IQGAP2: variants seen among roughly 807,000 people sequenced by gnomAD.
IQGAP2 encodes the protein ras GTPase-activating-like protein IQGAP2.
Under a neutral mutation model 201.3 loss-of-function variants are expected in IQGAP2, and 173 were observed. The ratio of observed to expected loss-of-function variants is 0.86; its 90% CI spans 0.76 to 0.98. The LOEUF is 0.98. IQGAP2 is among the 50% of genes least tolerant of loss of function. The probability of loss-of-function intolerance (pLI) is 0.00; values close to 1 mark genes in which losing one functional copy is unlikely to be tolerated. For missense variants in IQGAP2, 1,687 were observed against 1,864.8 expected, an observed-to-expected ratio of 0.90 and a Z score of 1.76; for synonymous variants, 675 against 673.9, an observed-to-expected ratio of 1.00 and a Z score of -0.03.
intron 1 of IQGAP2, among the ~76,000 whole-genome samples, chr5:76,430,588 T>G (rs1220398112): frequency 6.6e-6 from 1 of 152,198 alleles, no homozygotes; most frequent in African/African-American, 2.4e-5. Flanking sequence ...ACAGCATTTC[T>G]GCCACTCTTT....
intron 2 of IQGAP2, among the ~76,000 whole-genome samples, chr5:76,471,364 C>CAAAAAAAAAAAAAA (rs59781605): frequency 1.4e-5 from 1 of 72,534 alleles, no homozygotes; most frequent in African/African-American, 5.2e-5. Context: ...ATAAACTAAG[C>CAAAAAAAAAAAAAA]AAAAAAAAAA....
Position 76,631,913 on chromosome 5 carries a change from A to G in IQGAP2, c.1667A>G (p.Asp556Gly), listed in dbSNP as rs1349127834. ...NQCLEGKKSS[D>G]ILSVLKSSTS... ...TGTTTGGAAGGAAAAAAATCAAGTG[A>G]TATTTTGTCTGTATTGAAGTCTTCC... Residue 556 changes from aspartate (D) to glycine (G), a missense_variant, in exon 15 of 36, where the codon GAT becomes GGT. Physicochemically the swap from Asp to Gly is moderately conservative, Grantham distance 94. Coordinates refer to ENST00000274364, the MANE Select transcript of IQGAP2 (RefSeq NM_006633.5). 1.1e-5 allele frequency: 17 copies of G among 1,611,414 alleles called. No individual in the cohort carries two copies. The highest frequency in any genetic ancestry group is 1.4e-5 in the Non-Finnish European group (17 of 1,178,534).
At chr5:76,677,099 C>T in intron 27 of IQGAP2, 119 bp from the exon 28 acceptor site, 2 of 980,100 alleles carry the variant, frequency 2.0e-6, no homozygotes, top group Non-Finnish European at 3.0e-6. Flanking sequence ...AACACGTCCT[C>T]TCAAGGTTTG....
At chr5:76,632,181 A>G (rs1227118001) in intron 15 of IQGAP2, among the ~76,000 whole-genome samples, 155 bp downstream of exon 15, 2 of 152,144 alleles carry the variant, frequency 1.3e-5, no homozygotes, top group Non-Finnish European at 2.9e-5. Flanking sequence ...AAAGTTTTAG[A>G]TGTTTCTTTT....
At chr5:76,621,749 G>C (rs1749694742) in intron 13 of IQGAP2, among the ~76,000 whole-genome samples, 1 of 152,062 alleles carries the variant, frequency 6.6e-6, no homozygotes, top group Admixed American at 6.5e-5. Flanking sequence ...CTCAGAGCCT[G>C]GTTTTCCTTA....
intron 2 of IQGAP2, 51 bp downstream of exon 2, chr5:76,461,720 T>C (rs1419340256): frequency 1.5e-6 from 2 of 1,331,286 alleles, no homozygotes; most frequent in Admixed American, 3.4e-5. Context: ...AGATAAGCTT[T>C]GTGATAAGGG....
chr5:76,599,233 T>G (rs2150320428), intron 10 of IQGAP2, among the ~76,000 whole-genome samples: 1 of 152,192 alleles, frequency 6.6e-6, no homozygotes, highest in South Asian at 2.1e-4. Context: ...TAATAATAAT[T>G]AAAAAGACTC....
At chr5:76,562,351 T>A (rs933973941) in intron 2 of IQGAP2, 45 bp from the exon 3 acceptor site, 1 of 1,449,334 alleles carries the variant, frequency 6.9e-7, no homozygotes, top group Non-Finnish European at 9.5e-7. Flanking sequence ...TGCAGAAAGT[T>A]ACCCAACTGG....
chr5:76,610,958 T>C, intron 12 of IQGAP2, 62 bp from the exon 13 acceptor site: 1 of 1,390,768 alleles, frequency 7.2e-7, no homozygotes, highest in Non-Finnish European at 9.9e-7. Context: ...TTGCAATCGG[T>C]GATACTAAAG....
At chr5:76,520,381 C>T (rs1483659710) in intron 2 of IQGAP2, among the ~76,000 whole-genome samples, 2 of 152,160 alleles carry the variant, frequency 1.3e-5, no homozygotes, top group Admixed American at 6.6e-5. Flanking sequence ...AGGCTGGTCT[C>T]GAACTCCCGA....
chr5:76,501,065 T>G (rs1292300980), intron 2 of IQGAP2, among the ~76,000 whole-genome samples: 1 of 151,212 alleles, frequency 6.6e-6, no homozygotes, highest in Admixed American at 6.6e-5. Context: ...GAATTGACCA[T>G]TAAATGTGAT....
rs1283574887 is a variant in IQGAP2 at position 76,567,681 on chromosome 5, TCTTA to T, written c.304-2894_304-2891del. Among the ~76,000 whole-genome samples the T allele has an allele frequency of 3.3e-5, 5 of 152,220 alleles. No homozygotes were observed. The South Asian group carries it at 8.3e-4, about 25-fold the overall frequency. On this transcript the variant is annotated intron_variant, in intron 3 of 35. Transcript: ENST00000274364. ...CTAACAAGTTAGGTCAACTCAAGCA[TCTTA>T]CTTATTTGTGCCATCAGTTTCCTCA...
At chr5:76,613,105 C>T (rs1053072510) in intron 13 of IQGAP2, among the ~76,000 whole-genome samples, 1 of 152,218 alleles carries the variant, frequency 6.6e-6, no homozygotes, top group Admixed American at 6.5e-5. Context: ...CAGTCTTTCT[C>T]ATTTAAGCCT....
At chr5:76,535,628 T>G (rs1205421786) in intron 2 of IQGAP2, among the ~76,000 whole-genome samples, 1 of 152,226 alleles carries the variant, frequency 6.6e-6, no homozygotes, top group Non-Finnish European at 1.5e-5. Context: ...CCTGAGAAGC[T>G]TCTCCTTGCC....
rs766653045 is a variant in IQGAP2 at position 76,668,727 on chromosome 5, A to G, written c.2726A>G (p.Asn909Ser). The G allele has an allele frequency of 1.2e-6, 2 of 1,612,616 alleles. No individual in the cohort carries two copies. Among genetic ancestry groups the G allele is most frequent in the Non-Finnish European group, 1.7e-6 (2 of 1,179,292 alleles). ...AAGCTGATTTTCCAGATGCCACAGA[A>G]CAAGTCCACTAAATTTATGGATACT... Reference protein sequence around the residue: ...LAKLIFQMPQNKSTKFMDTVI... With the variant: ...LAKLIFQMPQSKSTKFMDTVI... Residue 909 changes from asparagine to serine, a missense_variant, in exon 23 of 36, where the codon AAC (asparagine) becomes AGC (serine). Physicochemically the swap from Asn to Ser is conservative, Grantham distance 46. Transcript: ENST00000274364.
intron 2 of IQGAP2, among the ~76,000 whole-genome samples, chr5:76,526,042 A>T (rs1758955413): frequency 6.6e-6 from 1 of 152,242 alleles, no homozygotes; most frequent in African/African-American, 2.4e-5. Context: ...CCAGTCCCCA[A>T]AACAAGAGCT....
intron 12 of IQGAP2, chr5:76,609,292 T>A: frequency 6.7e-7 from 1 of 1,483,234 alleles, no homozygotes; most frequent in African/African-American, 1.4e-5. Flanking sequence ...TTCCATGCAC[T>A]CCAGTTTATA....
At chr5:76,626,288 T>TTTTG in intron 13 of IQGAP2, among the ~76,000 whole-genome samples, 1 of 142,604 alleles carries the variant, frequency 7.0e-6, no homozygotes, top group African/African-American at 2.6e-5. Context: ...TTTTTTTTTT[T>TTTTG]TGTGAGACAG....
intron 1 of IQGAP2, among the ~76,000 whole-genome samples, chr5:76,441,788 A>T (rs1166785575): frequency 6.6e-6 from 1 of 152,222 alleles, no homozygotes; most frequent in Non-Finnish European, 1.5e-5. Context: ...AGAAAGCAAG[A>T]ATGAGAAATC....
Sources: allele counts gnomAD v4.1 joint callset (sites outside exome capture counted in the v4.1 genomes callset), GRCh38; gene constraint gnomAD v4.1.1; transcripts MANE v1.5; gene names NCBI Gene and HGNC (gene_info 2026-07-23, HGNC 2026-07-21).